TLCD4: variants seen among roughly 807,000 people sequenced by gnomAD.
The protein encoded by TLCD4 is TLC domain-containing protein 4.
In TLCD4, 7 loss-of-function variants were observed where a neutral mutation model predicts 24.2. The ratio of observed to expected loss-of-function variants is 0.29; its 90% CI spans 0.16 to 0.54. The LOEUF (loss-of-function observed/expected upper bound fraction) is 0.54, where lower values mean the gene tolerates loss of function less well. TLCD4 is among the 20% of genes least tolerant of loss of function. The pLI, the probability that TLCD4 is intolerant of heterozygous loss-of-function variation, is 0.95. For synonymous variants in TLCD4, 103 were observed against 106.4 expected (o/e 0.97, Z 0.20); for missense variants, 259 against 313.9 (o/e 0.82, Z 1.32).
chr1:95,180,325 AT>A (rs1678589193), intron 6 of TLCD4, among the ~76,000 whole-genome samples: 1 of 151,440 alleles, frequency 6.6e-6, no homozygotes, highest in Non-Finnish European at 1.5e-5. Context: ...ATAAAAACTT[AT>A]ACTGTACCTT....
chr1:95,143,655 T>A (rs903874753), intron 1 of TLCD4, among the ~76,000 whole-genome samples: 1 of 152,144 alleles, frequency 6.6e-6, no homozygotes, highest in Non-Finnish European at 1.5e-5. Flanking sequence ...GTTAAAATTA[T>A]AAATGACACC....
intron 5 of TLCD4, among the ~76,000 whole-genome samples, chr1:95,155,947 A>G (rs1256566074): frequency 2.0e-5 from 3 of 152,008 alleles, no homozygotes; most frequent in Non-Finnish European, 2.9e-5. Context: ...CCAGGGATCA[A>G]TCAGTAATAC....
At chr1:95,104,018 T>G in the TLCD4 span, among the ~76,000 whole-genome samples, 1 of 152,148 alleles carries the variant, frequency 6.6e-6, no homozygotes, top group Non-Finnish European at 1.5e-5. Flanking sequence ...TGGTAGAGGA[T>G]TTTATCAACA....
In TLCD4 at chr1:95,194,569, T is replaced by C. The variant is rs1557702560; in HGVS notation, c.*2701T>C. On this transcript the variant is annotated 3_prime_UTR_variant, in exon 7 of 7. Coordinates refer to ENST00000370203, the MANE Select transcript of TLCD4 (RefSeq NM_152487.3). ...TATTTAACAACTCTATTAAAATATT[T>C]ATAGAAAAATAAAAGCAAATTGATA... 6.6e-6 allele frequency: 1 copy of C among 152,136 alleles called. No individual in the cohort carries two copies. Among genetic ancestry groups the C allele is most frequent in the Non-Finnish European group, 1.5e-5 (1 of 67,996 alleles). The allele number at this position is 152,136 out of a possible 1,614,324, so 9.4% of individuals were successfully genotyped here. A position where few individuals can be genotyped will look rare whatever the true frequency, so the allele number is the denominator to read the frequency against.
rs534420782 is a variant in TLCD4, at chr1:95,184,031, CA to C, written c.474-7516del. ...TTCCAGGGTTAATGTTTATTAAATA[CA>C]AATGTTTACATGCCTGAAGAAATTA... On this transcript the variant is annotated intron_variant, in intron 6 of 6. Coordinates refer to ENST00000370203, the MANE Select transcript of TLCD4 (RefSeq NM_152487.3). Among the ~76,000 whole-genome samples the C allele has an allele frequency of 5.3e-5, 8 of 152,182 alleles. No individual in the cohort carries two copies. The East Asian group carries it at 1.5e-3, about 29-fold the overall frequency.
At chr1:95,163,282 T>G (rs1677890721) in intron 5 of TLCD4, 1 of 152,238 alleles carries the variant, frequency 6.6e-6, no homozygotes, top group Non-Finnish European at 1.5e-5. Context: ...TTCTTCCACT[T>G]GATCAAATCG....
chr1:95,109,566 C>A, the TLCD4 span, among the ~76,000 whole-genome samples: 3 of 150,754 alleles, frequency 2.0e-5, no homozygotes, highest in Non-Finnish European at 4.4e-5. Flanking sequence ...CTGCTTACTG[C>A]AACCTCCGCC....
At chr1:95,166,576 A>C (rs556876555) in intron 5 of TLCD4, among the ~76,000 whole-genome samples, 67 of 152,270 alleles carry the variant, frequency 4.4e-4, no homozygotes, top group Non-Finnish European at 8.2e-4. Context: ...GACTGTAATG[A>C]TCTGTCTAAT....
chr1:95,127,771 A>C (rs1019565565), intron 1 of TLCD4, among the ~76,000 whole-genome samples: 1 of 152,138 alleles, frequency 6.6e-6, no homozygotes, highest in African/African-American at 2.4e-5. Flanking sequence ...TTTTGTTTGA[A>C]ATGTTGATTT....
intron 1 of TLCD4, among the ~76,000 whole-genome samples, chr1:95,133,528 T>C (rs1438761587): frequency 1.3e-5 from 2 of 152,150 alleles, no homozygotes; most frequent in Non-Finnish European, 2.9e-5. Flanking sequence ...GGAAGACAGA[T>C]AGTTACAGAT....
intron 1 of TLCD4, among the ~76,000 whole-genome samples, chr1:95,124,735 C>T (rs754998635): frequency 1.3e-5 from 2 of 152,064 alleles, no homozygotes; most frequent in African/African-American, 2.4e-5. Context: ...AGTGGAATTG[C>T]TATGAGTAAA....
intron 6 of TLCD4, among the ~76,000 whole-genome samples, chr1:95,191,317 G>T (rs1281451582): frequency 6.6e-6 from 1 of 151,900 alleles, no homozygotes; most frequent in Non-Finnish European, 1.5e-5. Flanking sequence ...CTCTTCCATT[G>T]GTTTATTGAT....
chr1:95,124,271 T>C (rs996204798), intron 1 of TLCD4, among the ~76,000 whole-genome samples: 5 of 152,188 alleles, frequency 3.3e-5, no homozygotes, highest in African/African-American at 1.2e-4. Context: ...TGTTCTTTCC[T>C]TACTAAAAGT....
At chr1:95,104,492 A>G in the TLCD4 span, among the ~76,000 whole-genome samples, 1 of 151,454 alleles carries the variant, frequency 6.6e-6, no homozygotes, top group Admixed American at 6.6e-5. Flanking sequence ...ATGAAACCCC[A>G]TCTCTACTAA....
intron 1 of TLCD4, among the ~76,000 whole-genome samples, chr1:95,132,997 A>G (rs181190103): frequency 1.7e-3 from 258 of 152,324 alleles, no homozygotes; most frequent in African/African-American, 6.0e-3. Flanking sequence ...GTGAAGTGTC[A>G]GATGAGAAAT....
the TLCD4 span, among the ~76,000 whole-genome samples, chr1:95,092,834 G>C: frequency 6.6e-6 from 1 of 152,218 alleles, no homozygotes; most frequent in African/African-American, 2.4e-5. Context: ...TGTCTCCTGG[G>C]TTCAAGTGAG....
intron 1 of TLCD4, among the ~76,000 whole-genome samples, chr1:95,132,012 G>C (rs776839067): frequency 1.3e-5 from 2 of 152,154 alleles, no homozygotes; most frequent in Non-Finnish European, 2.9e-5. Flanking sequence ...CCCAGGTTTT[G>C]TCTCTTTACA....
chr1:95,181,738 C>T (rs1678651452), intron 6 of TLCD4, among the ~76,000 whole-genome samples: 1 of 152,024 alleles, frequency 6.6e-6, no homozygotes, highest in African/African-American at 2.4e-5. Flanking sequence ...GCTGGGATTA[C>T]TACTACTCCC....
chr1:95,123,773 G>A (rs528395264), intron 1 of TLCD4, among the ~76,000 whole-genome samples: 3 of 152,278 alleles, frequency 2.0e-5, no homozygotes, highest in East Asian at 1.9e-4. Context: ...ACATGTGATA[G>A]TATACATATA....
Sources: allele counts gnomAD v4.1 joint callset (sites outside exome capture counted in the v4.1 genomes callset), GRCh38; gene constraint gnomAD v4.1.1; transcripts MANE v1.5; gene names NCBI Gene and HGNC (gene_info 2026-07-23, HGNC 2026-07-21).